RIT2: variants seen among roughly 807,000 people sequenced by gnomAD.
RIT2 encodes the protein Ras like without CAAX 2, also known as GTP-binding protein Rit2.
In RIT2, 24 loss-of-function variants were observed where a neutral mutation model predicts 23.7. The observed-to-expected ratio is 1.01, with a 90% CI of 0.73 to 1.43. The LOEUF (loss-of-function observed/expected upper bound fraction) is 1.43, where lower values mean the gene tolerates loss of function less well. RIT2 is among the 40% of genes most tolerant of loss of function. The pLI is 0.00. For synonymous variants in RIT2, 107 were observed against 91.1 expected (o/e 1.17, Z -0.99); for missense variants, 236 against 266.9 (o/e 0.88, Z 0.81).
Position 42,935,627 on chromosome 18 carries a change from G to A in RIT2, c.235-11864C>T, listed in dbSNP as rs538716726. On this transcript the variant is annotated intron_variant, in intron 3 of 4. Coordinates refer to ENST00000326695, the MANE Select transcript of RIT2 (RefSeq NM_002930.4). ...AGTCTTTGTACAGTGTCTGCTATAA[G>A]ATATTAGACATATTGTTACCAGAAG... Among the ~76,000 whole-genome samples, 7 of 152,256 alleles carry A rather than the reference G, an allele frequency of 4.6e-5. No individual in the cohort carries two copies. In the South Asian group the frequency reaches 1.5e-3, roughly 32 times the overall value.
At chr18:43,033,909 A>C (rs1911915623) in intron 1 of RIT2, 42 bp from the exon 2 acceptor site, 2 of 1,341,212 alleles carry the variant, frequency 1.5e-6, no homozygotes. Context: ...AAAATTCACT[A>C]ATTCATCAAT....
At chr18:42,819,941 C>G (rs1026481190) in intron 4 of RIT2, among the ~76,000 whole-genome samples, 1 of 152,050 alleles carries the variant, frequency 6.6e-6, no homozygotes, top group African/African-American at 2.4e-5. Context: ...ATATAAAAGG[C>G]CAGAGCATTT....
At chr18:43,064,422 T>C (rs1264423814) in intron 1 of RIT2, among the ~76,000 whole-genome samples, 1 of 152,102 alleles carries the variant, frequency 6.6e-6, no homozygotes, top group Non-Finnish European at 1.5e-5. Context: ...ATTTTGGAGG[T>C]GACAAATTTC....
intron 1 of RIT2, among the ~76,000 whole-genome samples, chr18:43,085,552 T>C (rs956253538): frequency 6.6e-6 from 1 of 152,212 alleles, no homozygotes; most frequent in African/African-American, 2.4e-5. Context: ...ATTCTGTTTC[T>C]ATGAGGATTT....
intron 3 of RIT2, among the ~76,000 whole-genome samples, chr18:42,956,458 G>A (rs1909972112): frequency 6.6e-6 from 1 of 152,172 alleles, no homozygotes; most frequent in South Asian, 2.1e-4. Flanking sequence ...TTTGTGGAAT[G>A]AGATGAAGGT....
At chr18:42,932,349 C>A (rs1909347657) in intron 3 of RIT2, among the ~76,000 whole-genome samples, 1 of 152,156 alleles carries the variant, frequency 6.6e-6, no homozygotes, top group Non-Finnish European at 1.5e-5. Flanking sequence ...CCATCCATTT[C>A]ACTATCTGAT....
intron 4 of RIT2, among the ~76,000 whole-genome samples, chr18:42,825,633 A>G (rs1032847606): frequency 3.4e-4 from 52 of 151,810 alleles, no homozygotes; most frequent in Admixed American, 6.6e-4. Flanking sequence ...TTCTAATAAT[A>G]TATAAAATAA....
intron 3 of RIT2, among the ~76,000 whole-genome samples, chr18:42,952,339 T>C (rs76820677): frequency 0.011 from 1,694 of 152,162 alleles, 30 homozygotes; most frequent in African/African-American, 0.039. Flanking sequence ...TCAAACTTTA[T>C]AGAAGCAGAG....
At chr18:42,985,018 G>C (rs191991928) in intron 2 of RIT2, among the ~76,000 whole-genome samples, 201 of 152,110 alleles carry the variant, frequency 1.3e-3, no homozygotes, top group Non-Finnish European at 2.5e-3. Context: ...GTTTGGGCAG[G>C]CATGTAGAAA....
At chr18:43,067,073 G>A (rs917248853) in intron 1 of RIT2, among the ~76,000 whole-genome samples, 1 of 151,920 alleles carries the variant, frequency 6.6e-6, no homozygotes, top group South Asian at 2.1e-4. Context: ...GAAGAAAGAA[G>A]ACTAGTGTAA....
chr18:42,948,382 A>G (rs983910545), intron 3 of RIT2, among the ~76,000 whole-genome samples: 6 of 152,004 alleles, frequency 3.9e-5, no homozygotes, highest in Non-Finnish European at 7.4e-5. Context: ...TGACACTCTG[A>G]GTTCTGCAGG....
chr18:43,037,579 C>A (rs1438667467), intron 1 of RIT2, among the ~76,000 whole-genome samples: 1 of 151,878 alleles, frequency 6.6e-6, no homozygotes, highest in Non-Finnish European at 1.5e-5. Flanking sequence ...TGTTCTTATT[C>A]TTGTTTTAGT....
chr18:43,053,052 G>C (rs1004287719), intron 1 of RIT2, among the ~76,000 whole-genome samples: 3 of 152,030 alleles, frequency 2.0e-5, no homozygotes, highest in African/African-American at 7.2e-5. Context: ...ATCCAGTACT[G>C]TCTGGCATAT....
chr18:43,007,500 A>G (rs1911254202), intron 2 of RIT2, among the ~76,000 whole-genome samples: 1 of 151,690 alleles, frequency 6.6e-6, no homozygotes, highest in African/African-American at 2.4e-5. Context: ...GAGGTTTTTG[A>G]GAAATGGCTG....
intron 4 of RIT2, among the ~76,000 whole-genome samples, chr18:42,772,140 AG>A (rs1913566383): frequency 1.3e-5 from 2 of 152,132 alleles, no homozygotes; most frequent in Non-Finnish European, 2.9e-5. Flanking sequence ...TAGGTCACAA[AG>A]CAAATTAATA....
chr18:42,967,416 CT>C (rs1213274232), intron 3 of RIT2, among the ~76,000 whole-genome samples: 4 of 152,114 alleles, frequency 2.6e-5, no homozygotes, highest in African/African-American at 9.6e-5. Context: ...GTTGCCCAGG[CT>C]GGAGTGCAGT....
At chr18:42,991,488 C>A (rs957995184) in intron 2 of RIT2, among the ~76,000 whole-genome samples, 8 of 152,180 alleles carry the variant, frequency 5.3e-5, no homozygotes, top group African/African-American at 1.9e-4. Flanking sequence ...ATTTTGGGCA[C>A]CTTGAAATTG....
At chr18:42,928,530 A>G (rs1349228355) in intron 3 of RIT2, among the ~76,000 whole-genome samples, 3 of 152,068 alleles carry the variant, frequency 2.0e-5, no homozygotes, top group African/African-American at 4.8e-5. Flanking sequence ...TTACCCTTCA[A>G]TAGTTGAGTT....
intron 4 of RIT2, among the ~76,000 whole-genome samples, chr18:42,809,849 TTA>T (rs1013604225): frequency 6.0e-5 from 7 of 116,388 alleles, no homozygotes; most frequent in South Asian, 4.4e-4. Context: ...TGTATATATG[TTA>T]TATATATTAT....
Sources: allele counts gnomAD v4.1 joint callset (sites outside exome capture counted in the v4.1 genomes callset), GRCh38; gene constraint gnomAD v4.1.1; transcripts MANE v1.5; gene names NCBI Gene and HGNC (gene_info 2026-07-23, HGNC 2026-07-21).